Variants in POSTN observed in about 807,000 individuals in gnomAD.
POSTN encodes periostin.
In POSTN, 71 loss-of-function variants were observed where a neutral mutation model predicts 104.5. The observed-to-expected ratio is 0.68, with a 90% CI of 0.56 to 0.83. The LOEUF is 0.83. Among genes scored for constraint, POSTN ranks in the 40% least tolerant of loss-of-function variants. The pLI is 0.00. For synonymous variants in POSTN, 355 were observed against 340.7 expected (o/e 1.04, Z -0.46); for missense variants, 949 against 1,006.8 (o/e 0.94, Z 0.78).
chr13:37,568,820 A>G (rs1044179398), intron 21 of POSTN: 1 of 152,154 alleles, frequency 6.6e-6, no homozygotes, highest in Non-Finnish European at 1.5e-5. Flanking sequence ...GAAGAAACAG[A>G]TATTCATTCC....
chr13:37,577,757 G>T lies in POSTN; in HGVS notation c.2004C>A (p.Val668=). 6.2e-7 allele frequency: 1 copy of T among 1,613,302 alleles called. No individual in the cohort carries two copies. Among genetic ancestry groups the T allele is most frequent in the Non-Finnish European group, 8.5e-7 (1 of 1,179,550 alleles). ...CAATATTTATTATATACTTACTATA[G>T]ACAGTCACGGGGATTTCTTTGAAGG... The part of the protein sequence containing the change: ...GSTFKEIPVT[V]YTTKIITKVV... Residue 668 remains valine (V), a synonymous_variant, in exon 16 of 23, where the codon GTC becomes GTA. Coordinates refer to ENST00000379747, the MANE Select transcript of POSTN (RefSeq NM_006475.3).
intron 10 of POSTN, among the ~76,000 whole-genome samples, chr13:37,581,007 C>T (rs1212485471): frequency 2.0e-5 from 3 of 152,128 alleles, no homozygotes; most frequent in African/African-American, 7.2e-5. Context: ...CAGATTTGAA[C>T]TATTTCTCTA....
intron 11 of POSTN, among the ~76,000 whole-genome samples, chr13:37,580,353 T>A (rs1593337756): frequency 6.6e-6 from 1 of 152,222 alleles, no homozygotes; most frequent in South Asian, 2.1e-4. Flanking sequence ...GTCTGTTAGA[T>A]TTGTTTTCAC....
chr13:37,587,966 C>T lies in POSTN; in HGVS notation c.462G>A (p.Glu154=), dbSNP rs1436701110. The stretch of plus-strand genomic sequence containing the variant: ...TCAGTAATTCAACATTCACGTTGCT[C>T]TCCAAACCTCTACGGATATCCTAGG... ...NLDSDIRRGL[E]SNVNVELLNA... is the part of the protein sequence containing the mutation. The change falls in exon 5 of 23, where the codon GAG becomes GAA. Residue 154 remains glutamate (E), a synonymous_variant. Coordinates refer to ENST00000379747, the MANE Select transcript of POSTN (RefSeq NM_006475.3). The T allele has an allele frequency of 6.2e-7, 1 of 1,600,880 alleles. No individual in the cohort carries two copies. The highest frequency in any genetic ancestry group is 8.5e-7 in the Non-Finnish European group (1 of 1,170,480).
chr13:37,574,799 A>C, intron 16 of POSTN, 147 bp from the exon 17 acceptor site: 1 of 1,113,596 alleles, frequency 9.0e-7, no homozygotes, highest in Non-Finnish European at 1.2e-6. Flanking sequence ...TACAGGAAAT[A>C]TTTATGGTAC....
At chr13:37,587,165 A>C (rs771571847) in intron 5 of POSTN, among the ~76,000 whole-genome samples, 2 of 152,194 alleles carry the variant, frequency 1.3e-5, no homozygotes, top group Non-Finnish European at 2.9e-5. Flanking sequence ...CATATCTAGC[A>C]ACATAAGGCA....
At chr13:37,580,193 T>C (rs1326772869) in intron 11 of POSTN, among the ~76,000 whole-genome samples, 1 of 152,200 alleles carries the variant, frequency 6.6e-6, no homozygotes, top group Non-Finnish European at 1.5e-5. Flanking sequence ...ATTTTTAATT[T>C]TTTTCATCTG....
At position 37,595,395 on chromosome 13, in the gene POSTN, T is replaced by A. The variant is rs1394233554; in HGVS notation, c.218+1789A>T. ...GAATGACTCACAAGTCTAGCAGAAGTCTGCACAATAATAGGAATAATGTTC... is the reference window on the plus strand; with the variant it reads ...GAATGACTCACAAGTCTAGCAGAAGACTGCACAATAATAGGAATAATGTTC... On this transcript the variant is annotated intron_variant, in intron 2 of 22. Coordinates refer to ENST00000379747, the MANE Select transcript of POSTN (RefSeq NM_006475.3). 3.3e-5 allele frequency among the ~76,000 whole-genome samples: 5 copies of A among 152,192 alleles called. No individual in the cohort carries two copies. The East Asian group carries it at 7.7e-4, about 23-fold the overall frequency.
intron 9 of POSTN, among the ~76,000 whole-genome samples, chr13:37,583,282 A>G (rs1950651342): frequency 6.6e-6 from 1 of 152,056 alleles, no homozygotes; most frequent in Admixed American, 6.5e-5. Flanking sequence ...TTACTGTCCA[A>G]ATTTTGAGAT....
At chr13:37,569,553 G>A in intron 20 of POSTN, 170 bp from the exon 21 acceptor site, 1 of 802,740 alleles carries the variant, frequency 1.2e-6, no homozygotes. Context: ...TTATAAAGTT[G>A]TTGAACAAAA....
intron 21 of POSTN, 119 bp downstream of exon 21, chr13:37,569,181 A>G (rs1950192647): frequency 3.2e-6 from 2 of 626,528 alleles, no homozygotes; most frequent in Non-Finnish European, 5.4e-6. Context: ...ACAACAGTGG[A>G]TGTTGTCTTT....
chr13:37,576,730 T>C (rs955053759), intron 16 of POSTN, among the ~76,000 whole-genome samples: 1 of 152,126 alleles, frequency 6.6e-6, no homozygotes, highest in African/African-American at 2.4e-5. Context: ...TGTATTCCCA[T>C]GGTGAATCAT....
rs1188331316 is a variant in POSTN at position 37,582,249 on chromosome 13, C to T, written c.1392+117G>A. ...ACCCAAGCTACCCAGTTCCCTGATG[C>T]TTCTATGAATATTTACTATTAGAAC... On this transcript the variant is annotated intron_variant, in intron 10 of 22. Transcript: ENST00000379747. 13 of 1,200,756 alleles carry T rather than the reference C, an allele frequency of 1.1e-5. No homozygotes were observed. In the East Asian group the frequency reaches 2.4e-4, roughly 23 times the overall value. 74.4% of individuals were successfully genotyped at this position (1,200,756 alleles called of 1,614,324 possible). A position where few individuals can be genotyped will look rare whatever the true frequency, so the allele number is the denominator to read the frequency against.
chr13:37,570,839 A>T (rs1180992039), intron 18 of POSTN, 170 bp from the exon 19 acceptor site: 1 of 546,406 alleles, frequency 1.8e-6, no homozygotes, highest in Admixed American at 3.1e-5. Flanking sequence ...ATAGGGATCT[A>T]AAAGGTAATA....
chr13:37,584,294 C>T (rs3794374), intron 8 of POSTN, among the ~76,000 whole-genome samples, 191 bp from the exon 9 acceptor site: 44,284 of 151,994 alleles, frequency 0.29, 6,876 homozygotes, highest in Non-Finnish European at 0.35. Flanking sequence ...TTGATAATCA[C>T]GATAAATTTC....
At chr13:37,572,013 A>G (rs1950275274) in intron 17 of POSTN, among the ~76,000 whole-genome samples, 1 of 151,688 alleles carries the variant, frequency 6.6e-6, no homozygotes, top group Admixed American at 6.6e-5. Context: ...TAATTTGAGT[A>G]CTTACCTTCT....
intron 17 of POSTN, 60 bp from the exon 18 acceptor site, chr13:37,571,518 A>G (rs911925271): frequency 6.1e-5 from 77 of 1,264,900 alleles, no homozygotes; most frequent in Non-Finnish European, 7.6e-5. Context: ...AATTTACCGG[A>G]ATAGGACATT....
chr13:37,597,183 CG>C lies in POSTN; in HGVS notation c.218del (p.Thr73ArgfsTer12), dbSNP rs1951109541. 24 of 1,531,730 alleles carry C rather than the reference CG, an allele frequency of 1.6e-5. No individual in the cohort carries two copies. The highest frequency in any genetic ancestry group is 2.1e-5 in the Non-Finnish European group (24 of 1,142,924). The allele number at this position is 1,531,730 out of a possible 1,614,324, so 94.9% of individuals were successfully genotyped here. On this transcript the variant is annotated frameshift_variant and splice_region_variant, in exon 2 of 23. Coordinates refer to ENST00000379747, the MANE Select transcript of POSTN (RefSeq NM_006475.3). LOFTEE classifies it high-confidence loss of function. ...TATTATGAAAAAAAAAAGAGACTTA[CG>C]TTTTCTGTCCACAGATGGACTTTTT... ...WYKKSICGQK[T>X]TVLYECCPGY...
intron 7 of POSTN, among the ~76,000 whole-genome samples, chr13:37,585,224 A>G (rs1055118111): frequency 2.6e-5 from 4 of 152,162 alleles, no homozygotes; most frequent in Non-Finnish European, 5.9e-5. Context: ...GTAACTCCTG[A>G]TGTGAAAGCA....
Sources: allele counts gnomAD v4.1 joint callset (sites outside exome capture counted in the v4.1 genomes callset), GRCh38; gene constraint gnomAD v4.1.1; transcripts MANE v1.5; gene names NCBI Gene and HGNC (gene_info 2026-07-23, HGNC 2026-07-21).